Variants in FSTL4 observed in about 807,000 individuals in gnomAD.
The protein encoded by FSTL4 is follistatin-related protein 4.
Under a neutral mutation model 78.2 loss-of-function variants are expected in FSTL4, and 28 were observed. The ratio of observed to expected loss-of-function variants is 0.36; its 90% CI spans 0.27 to 0.49. The LOEUF is 0.49. Ranked by LOEUF, FSTL4 falls within the 20% of genes least tolerant of loss-of-function variation. The pLI is 0.98. For missense variants in FSTL4, 922 were observed against 1,084.9 expected (o/e 0.85, Z 2.11); for synonymous variants, 422 against 440.5 (o/e 0.96, Z 0.53).
the FSTL4 span, among the ~76,000 whole-genome samples, chr5:133,621,443 C>A: frequency 6.6e-6 from 1 of 152,004 alleles, no homozygotes; most frequent in African/African-American, 2.4e-5. Context: ...AAAAAAAGAG[C>A]ATTTGCAGTG....
intron 4 of FSTL4, among the ~76,000 whole-genome samples, chr5:133,393,939 C>T (rs1048468425): frequency 6.6e-6 from 1 of 152,256 alleles, no homozygotes; most frequent in Admixed American, 6.5e-5. Flanking sequence ...AGCCTTCCTT[C>T]TGCACCAGGA....
chr5:133,486,386 GAAGA>G (rs909668337), intron 3 of FSTL4, among the ~76,000 whole-genome samples: 4 of 149,570 alleles, frequency 2.7e-5, no homozygotes, highest in African/African-American at 7.4e-5. Context: ...TGGGGGAGAG[GAAGA>G]AAGAAAGAGA....
intron 3 of FSTL4, among the ~76,000 whole-genome samples, chr5:133,475,803 G>A (rs929209724): frequency 1.3e-5 from 2 of 152,262 alleles, no homozygotes. Context: ...AGCCCTCCCC[G>A]CTACTTCAAC....
chr5:133,470,403 G>A (rs1352125691), intron 3 of FSTL4, among the ~76,000 whole-genome samples: 2 of 152,200 alleles, frequency 1.3e-5, no homozygotes, highest in Non-Finnish European at 2.9e-5. Context: ...TCAACAAGAT[G>A]CCACTTCTAG....
chr5:133,272,792 T>C (rs930818552), intron 6 of FSTL4, among the ~76,000 whole-genome samples: 4 of 152,272 alleles, frequency 2.6e-5, no homozygotes, highest in African/African-American at 9.6e-5. Flanking sequence ...GGCATTGATG[T>C]GGCAACAGAT....
chr5:133,369,567 G>C (rs1303309074), intron 4 of FSTL4, among the ~76,000 whole-genome samples: 3 of 152,226 alleles, frequency 2.0e-5, no homozygotes, highest in Non-Finnish European at 2.9e-5. Context: ...TCACAACCTG[G>C]TGAGGTTAGA....
intron 3 of FSTL4, among the ~76,000 whole-genome samples, chr5:133,532,485 G>A (rs73281986): frequency 0.26 from 40,044 of 152,008 alleles, 5,437 homozygotes; most frequent in East Asian, 0.34. Context: ...CTCTATTGTA[G>A]AACAAGGCCA....
chr5:133,482,786 A>G (rs1758055775), intron 3 of FSTL4, among the ~76,000 whole-genome samples: 1 of 152,166 alleles, frequency 6.6e-6, no homozygotes, highest in East Asian at 1.9e-4. Flanking sequence ...TCAGCTGTAC[A>G]AATTGGCAGG....
chr5:133,303,713 C>A (rs1439314113), intron 6 of FSTL4, among the ~76,000 whole-genome samples: 1 of 152,160 alleles, frequency 6.6e-6, no homozygotes, highest in Non-Finnish European at 1.5e-5. Flanking sequence ...GAACAGGTGA[C>A]CAGAGAGGAA....
intron 3 of FSTL4, among the ~76,000 whole-genome samples, chr5:133,540,736 A>AAAAG (rs1561462534): frequency 1.7e-4 from 26 of 151,076 alleles, no homozygotes; most frequent in African/African-American, 5.6e-4. Context: ...AAAAAAAAAA[A>AAAAG]AAAGAAAGAA....
In FSTL4 at chr5:133,483,254, C is replaced by T. The variant is rs369477587; in HGVS notation, c.161-82268G>A. 2.7e-3 allele frequency among the ~76,000 whole-genome samples: 418 copies of T among 152,312 alleles called. 1 individual carries two copies. The highest frequency in any genetic ancestry group is 9.8e-3 in the African/African-American group (407 of 41,572). On this transcript the variant is annotated intron_variant, in intron 3 of 15. Transcript: ENST00000265342. ...ATGTGGAACTAAGAGTCCATTAAAT[C>T]TCTTTTTCTTTGTAAATTGCCCAGT...
chr5:133,231,604 G>T (rs1751496788), intron 8 of FSTL4, among the ~76,000 whole-genome samples: 1 of 152,178 alleles, frequency 6.6e-6, no homozygotes, highest in Non-Finnish European at 1.5e-5. Flanking sequence ...GTGCAGCAGT[G>T]CTATCTCAGC....
At chr5:133,627,877 A>G in the FSTL4 span, among the ~76,000 whole-genome samples, 9,627 of 151,686 alleles carry the variant, frequency 0.063, 337 homozygotes, top group Non-Finnish European at 0.072. Context: ...CATTATTTAT[A>G]TTTATTTTTA....
Position 133,225,775 on chromosome 5 carries a change from G to C in FSTL4, c.1060C>G (p.Pro354Ala). The change falls in exon 9 of 16, where the codon CCT becomes GCT. Residue 354 changes from proline (P) to alanine (A), a missense_variant. Coordinates refer to ENST00000265342, the MANE Select transcript of FSTL4 (RefSeq NM_015082.2). This position sits in a 1 kb window ranked among gnomAD's most constrained non-coding sequence, Gnocchi z 4.6. The stretch of plus-strand genomic sequence containing the variant: ...CATCTTAGGCTGGCTGCCACTCCAG[G>C]CTCCTGTGCCTGGCTCTCTGGATAG... ...RVYPESQAQE[P>A]GVAASLRCHA... 1 of 1,608,874 alleles carries C rather than the reference G, an allele frequency of 6.2e-7. No homozygotes were observed. Among genetic ancestry groups the C allele is most frequent in the Non-Finnish European group, 8.5e-7 (1 of 1,177,616 alleles).
the FSTL4 span, among the ~76,000 whole-genome samples, chr5:133,775,329 T>C: frequency 1.3e-5 from 2 of 152,230 alleles, no homozygotes; most frequent in Non-Finnish European, 2.9e-5. Context: ...TCTCCATCTG[T>C]AAAGCAGCTT....
chr5:133,703,608 A>C, the FSTL4 span, among the ~76,000 whole-genome samples: 8 of 152,186 alleles, frequency 5.3e-5, no homozygotes, highest in Admixed American at 2.0e-4. Context: ...CAGGATGGAA[A>C]AGTCTTTGTA....
At chr5:133,447,235 C>A (rs1270670569) in intron 3 of FSTL4, among the ~76,000 whole-genome samples, 1 of 152,226 alleles carries the variant, frequency 6.6e-6, no homozygotes, top group Non-Finnish European at 1.5e-5. Flanking sequence ...GTGTGGGCAC[C>A]ACCTGTCCAA....
At chr5:133,294,636 C>T (rs1270933298) in intron 6 of FSTL4, among the ~76,000 whole-genome samples, 3 of 152,162 alleles carry the variant, frequency 2.0e-5, no homozygotes, top group Admixed American at 2.0e-4. Flanking sequence ...TTACAGGTGG[C>T]CATATCCTGG....
At chr5:133,643,097 A>G in the FSTL4 span, among the ~76,000 whole-genome samples, 3 of 152,232 alleles carry the variant, frequency 2.0e-5, no homozygotes, top group Non-Finnish European at 4.4e-5. Context: ...GAGACTGCCT[A>G]TATATTCTAA....
Sources: gnomAD v4.1 joint callset for allele counts (sites outside exome capture counted in the v4.1 genomes callset) on GRCh38, gnomAD v4.1.1 for gene constraint, Gnocchi (gnomAD v3.1) non-coding constraint, MANE v1.5 for transcripts, NCBI Gene and HGNC (gene_info 2026-07-23, HGNC 2026-07-21) for gene names.